Variants in ANKFN1 observed in about 807,000 individuals in gnomAD.
The protein encoded by ANKFN1 is ankyrin repeat and fibronectin type III domain containing 1, also known as ankyrin repeat and fibronectin type-III domain-containing protein 1.
A neutral mutation model predicts 108.7 loss-of-function variants in ANKFN1; 74 were observed. That is an observed-to-expected ratio of 0.68 (90% CI 0.56 to 0.83). ANKFN1 has a LOEUF of 0.83. Ranked by LOEUF, ANKFN1 falls within the 40% of genes least tolerant of loss-of-function variation. The pLI is 0.00. For missense variants in ANKFN1, 1,505 were observed against 1,382.3 expected (o/e 1.09, Z -1.41); for synonymous variants, 547 against 516.2 (o/e 1.06, Z -0.81).
intron 3 of ANKFN1, among the ~76,000 whole-genome samples, chr17:56,307,274 A>G (rs1055416551): frequency 1.3e-5 from 2 of 152,214 alleles, no homozygotes; most frequent in Non-Finnish European, 2.9e-5. Flanking sequence ...AGAAACTACC[A>G]TCAGAGTGAA....
Position 56,077,532 on chromosome 17 carries a change from T to TG in ANKFN1, c.288+31207_288+31208insG, listed in dbSNP as rs983685423. Reference sequence around the variant, plus strand: ...TGACATGTACATACCTGTGTGTGATTTTTTACCCTCCTGGCACTTTTTGGA... The same window carrying TG: ...TGACATGTACATACCTGTGTGTGATTGTTTTACCCTCCTGGCACTTTTTGGA... On this transcript the variant is annotated intron_variant, in intron 4 of 12. Coordinates refer to the ANKFN1 transcript ENST00000635860. Among the ~76,000 whole-genome samples the TG allele has an allele frequency of 2.6e-4, 39 of 152,250 alleles. No individual in the cohort carries two copies. The East Asian group carries it at 5.2e-3, about 20-fold the overall frequency.
intron 4 of ANKFN1, among the ~76,000 whole-genome samples, chr17:56,071,897 A>G (rs957596470): frequency 1.3e-5 from 2 of 152,198 alleles, no homozygotes; most frequent in Non-Finnish European, 2.9e-5. Flanking sequence ...CTCACCATTC[A>G]CAGTGGTCCC....
intron 3 of ANKFN1, among the ~76,000 whole-genome samples, chr17:56,276,037 C>G (rs1429113903): frequency 6.6e-6 from 1 of 152,070 alleles, no homozygotes; most frequent in African/African-American, 2.4e-5. Context: ...CCATGACAGG[C>G]CCCAGAGTGT....
chr17:56,326,606 C>G (rs904380994), intron 4 of ANKFN1, among the ~76,000 whole-genome samples: 1 of 152,124 alleles, frequency 6.6e-6, no homozygotes. Context: ...GATAATTGGG[C>G]ATTTTGTTTG....
intron 2 of ANKFN1, among the ~76,000 whole-genome samples, chr17:56,217,943 A>G (rs919919065): frequency 1.7e-4 from 26 of 152,290 alleles, no homozygotes; most frequent in African/African-American, 5.8e-4. Context: ...TACATGTCCC[A>G]GTGGCTCCAC....
At chr17:56,408,691 A>G (rs1179469347) in intron 8 of ANKFN1, among the ~76,000 whole-genome samples, 1 of 152,210 alleles carries the variant, frequency 6.6e-6, no homozygotes, top group Admixed American at 6.5e-5. Context: ...GCTAAAAAAG[A>G]GAGAAAGAAG....
chr17:56,347,925 G>T (rs1395545761), intron 4 of ANKFN1, among the ~76,000 whole-genome samples: 4 of 152,040 alleles, frequency 2.6e-5, no homozygotes, highest in Admixed American at 2.0e-4. Flanking sequence ...GGACTTCTGG[G>T]CATTGTGGGA....
chr17:56,179,814 A>G (rs1202535355), intron 1 of ANKFN1, among the ~76,000 whole-genome samples: 1 of 152,184 alleles, frequency 6.6e-6, no homozygotes, highest in Non-Finnish European at 1.5e-5. Context: ...TGTTTAGTGG[A>G]CACATACTAA....
At chr17:56,339,479 G>T (rs759139591) in intron 4 of ANKFN1, among the ~76,000 whole-genome samples, 3 of 151,978 alleles carry the variant, frequency 2.0e-5, no homozygotes, top group Non-Finnish European at 4.4e-5. Flanking sequence ...CCCTCTGAAA[G>T]GCCCCAGTAT....
intron 4 of ANKFN1, among the ~76,000 whole-genome samples, chr17:56,058,286 T>C (rs1904915121): frequency 6.6e-6 from 1 of 152,230 alleles, no homozygotes; most frequent in Non-Finnish European, 1.5e-5. Context: ...GGCTGTTTCA[T>C]CTGCATGGAA....
At chr17:56,426,744 A>G (rs1667346713) in intron 8 of ANKFN1, among the ~76,000 whole-genome samples, 1 of 152,240 alleles carries the variant, frequency 6.6e-6, no homozygotes, top group Non-Finnish European at 1.5e-5. Context: ...TCTTGCTTAT[A>G]ACATAAAGGG....
At chr17:56,434,296 T>C (rs1015304350) in intron 8 of ANKFN1, among the ~76,000 whole-genome samples, 1 of 150,044 alleles carries the variant, frequency 6.7e-6, no homozygotes, top group Non-Finnish European at 1.5e-5. Flanking sequence ...AACCTGCCAA[T>C]AAATAAGTGA....
intron 10 of ANKFN1, among the ~76,000 whole-genome samples, chr17:56,444,684 A>G (rs983546497): frequency 6.6e-6 from 1 of 152,136 alleles, no homozygotes. Flanking sequence ...GTACCTCTTG[A>G]GGTGATTTTT....
intron 3 of ANKFN1, among the ~76,000 whole-genome samples, chr17:56,317,826 TG>T (rs2045251658): frequency 6.6e-6 from 1 of 152,206 alleles, no homozygotes; most frequent in Non-Finnish European, 1.5e-5. Context: ...GATATTCAGC[TG>T]GGTAATTCAT....
intron 3 of ANKFN1, among the ~76,000 whole-genome samples, chr17:56,280,279 A>G (rs1235545067): frequency 6.6e-6 from 1 of 152,192 alleles, no homozygotes; most frequent in Non-Finnish European, 1.5e-5. Flanking sequence ...TGAGTAAAGA[A>G]GATCCACCCT....
intron 8 of ANKFN1, among the ~76,000 whole-genome samples, chr17:56,426,704 C>T (rs2048581207): frequency 6.6e-6 from 1 of 152,186 alleles, no homozygotes; most frequent in South Asian, 2.1e-4. Flanking sequence ...TTTAACCTTT[C>T]ACAGGGTTCT....
intron 4 of ANKFN1, among the ~76,000 whole-genome samples, chr17:56,070,299 T>C (rs899353463): frequency 3.9e-5 from 6 of 152,150 alleles, no homozygotes; most frequent in African/African-American, 1.4e-4. Context: ...GAATTGTTCT[T>C]TGCCTCTTCC....
Position 56,512,156 on chromosome 17 carries a change from C to T in ANKFN1, c.*887C>T, listed in dbSNP as rs961687252. ...ATTTCCTTTACAATTCTAAGTTAAG[C>T]AAAGTAAGTCCATGGGGGCTGTGTC... On this transcript the variant is annotated 3_prime_UTR_variant, in exon 21 of 21. Coordinates refer to ENST00000682825, the MANE Select transcript of ANKFN1 (RefSeq NM_001370326.1). 6.6e-6 allele frequency among the ~76,000 whole-genome samples: 1 copy of T among 152,148 alleles called. No individual in the cohort carries two copies. The highest frequency in any genetic ancestry group is 2.4e-5 in the African/African-American group (1 of 41,428).
chr17:56,254,225 T>C (rs1480368335), intron 3 of ANKFN1: 2 of 152,230 alleles, frequency 1.3e-5, no homozygotes, highest in South Asian at 2.1e-4. Flanking sequence ...TCCCAGGTAA[T>C]TGGTAATTTA....
Sources: gnomAD v4.1 joint callset for allele counts (sites outside exome capture counted in the v4.1 genomes callset) on GRCh38, gnomAD v4.1.1 for gene constraint, MANE v1.5 for transcripts, NCBI Gene and HGNC (gene_info 2026-07-23, HGNC 2026-07-21) for gene names.